The following EXOC3L2 variants were observed in gnomAD, a reference collection of about 807,000 sequenced individuals.
EXOC3L2 encodes the protein exocyst complex component 3-like protein 2.
In EXOC3L2, 17 loss-of-function variants were observed where a neutral mutation model predicts 44.4. The ratio of observed to expected loss-of-function variants is 0.38; its 90% CI spans 0.26 to 0.57. The LOEUF is 0.57. Ranked by LOEUF, EXOC3L2 falls within the 20% of genes least tolerant of loss-of-function variation. The pLI is 0.65. For missense variants in EXOC3L2, 541 were observed against 588.4 expected, an observed-to-expected ratio of 0.92 and a Z score of 0.83; for synonymous variants, 256 against 253.7, an observed-to-expected ratio of 1.01 and a Z score of -0.09.
At chr19:45,224,733 CCT>C (rs1969936611) in intron 8 of EXOC3L2, 43 bp downstream of exon 8, 2 of 1,534,032 alleles carry the variant, frequency 1.3e-6, no homozygotes, top group African/African-American at 2.8e-5. Flanking sequence ...GCAGCGCTTC[CCT>C]GTCCTGGCAT....
intron 8 of EXOC3L2, among the ~76,000 whole-genome samples, chr19:45,223,865 A>T: frequency 6.6e-6 from 1 of 151,936 alleles, no homozygotes; most frequent in African/African-American, 2.4e-5. Context: ...GTGGTGGTGC[A>T]TGCCTGTAAT....
chr19:45,224,417 C>A (rs1050807899), intron 8 of EXOC3L2, among the ~76,000 whole-genome samples: 1 of 152,032 alleles, frequency 6.6e-6, no homozygotes, highest in African/African-American at 2.4e-5. Context: ...CTCCCACCCC[C>A]CTACCACATT....
Position 45,217,705 on chromosome 19 carries a change from C to T in EXOC3L2, c.1843-22G>A, listed in dbSNP as rs1204707785. Reference sequence around the variant, plus strand: ...GCGCCTGGAGGCGGAGGAGGGAAACCCGAGGGGTGTGAGCCATGCCCCACG... The same window carrying T: ...GCGCCTGGAGGCGGAGGAGGGAAACTCGAGGGGTGTGAGCCATGCCCCACG... On this transcript the variant is annotated intron_variant, in intron 9 of 11. Transcript: ENST00000413988. 12 of 1,398,750 alleles carry T rather than the reference C, an allele frequency of 8.6e-6. No homozygotes were observed. In the East Asian group the frequency reaches 3.4e-4, roughly 40 times the overall value. 86.6% of individuals were successfully genotyped at this position (1,398,750 alleles called of 1,614,324 possible). A position where few individuals can be genotyped will look rare whatever the true frequency, so the allele number is the denominator to read the frequency against.
intron 7 of EXOC3L2, 70 bp downstream of exon 7, chr19:45,227,592 G>C: frequency 7.4e-7 from 1 of 1,352,734 alleles, no homozygotes; most frequent in South Asian, 1.3e-5. Context: ...CCCCACCCAG[G>C]ATCCGGGCAT....
chr19:45,219,014 G>A (rs1430086703), intron 8 of EXOC3L2, among the ~76,000 whole-genome samples: 2 of 151,990 alleles, frequency 1.3e-5, no homozygotes, highest in African/African-American at 4.8e-5. Flanking sequence ...TGCGGCGGGT[G>A]GATCACCTAA....
intron 7 of EXOC3L2, among the ~76,000 whole-genome samples, chr19:45,227,211 G>T (rs566202970): frequency 1.3e-5 from 2 of 148,192 alleles, no homozygotes; most frequent in Admixed American, 6.8e-5. Context: ...TCCGCCTCCC[G>T]GGTTCTCACC....
At chr19:45,235,357 G>A (rs1378237506) in intron 2 of EXOC3L2, among the ~76,000 whole-genome samples, 3 of 152,022 alleles carry the variant, frequency 2.0e-5, no homozygotes, top group Non-Finnish European at 4.4e-5. Context: ...GACTGAGGAG[G>A]GGATCTGGGG....
chr19:45,242,272 T>A (rs1023620724), intron 1 of EXOC3L2, among the ~76,000 whole-genome samples: 2 of 152,170 alleles, frequency 1.3e-5, no homozygotes, highest in Non-Finnish European at 2.9e-5. Context: ...TTGTTGTTGC[T>A]TTTGTCTTTA....
chr19:45,241,360 C>G (rs1970129778), intron 1 of EXOC3L2, among the ~76,000 whole-genome samples: 1 of 151,998 alleles, frequency 6.6e-6, no homozygotes, highest in African/African-American at 2.4e-5. Flanking sequence ...CGCCTGTAGC[C>G]CCAGCTACTC....
intron 4 of EXOC3L2, among the ~76,000 whole-genome samples, chr19:45,230,893 T>C (rs1346957022): frequency 1.3e-5 from 2 of 151,696 alleles, no homozygotes; most frequent in East Asian, 3.9e-4. Context: ...GAGACTAGCC[T>C]GGGCAAAATG....
intron 2 of EXOC3L2, among the ~76,000 whole-genome samples, chr19:45,235,692 A>T (rs576926401): frequency 6.6e-6 from 1 of 152,270 alleles, no homozygotes; most frequent in Non-Finnish European, 1.5e-5. Flanking sequence ...CCTGGCAGAG[A>T]AACTATTTCC....
At chr19:45,222,913 C>G (rs1011127074) in intron 8 of EXOC3L2, among the ~76,000 whole-genome samples, 2 of 152,192 alleles carry the variant, frequency 1.3e-5, no homozygotes, top group African/African-American at 4.8e-5. Context: ...GCACCTGGCA[C>G]AGTGAGTCCT....
intron 1 of EXOC3L2, among the ~76,000 whole-genome samples, chr19:45,240,030 C>G (rs894625873): frequency 2.6e-5 from 4 of 151,928 alleles, no homozygotes; most frequent in Non-Finnish European, 5.9e-5. Flanking sequence ...TGATTTGTAC[C>G]CTTGTCATCT....
chr19:45,215,512 A>G (rs1969823203), intron 11 of EXOC3L2, among the ~76,000 whole-genome samples: 1 of 152,148 alleles, frequency 6.6e-6, no homozygotes, highest in African/African-American at 2.4e-5. Flanking sequence ...ATGCTTATTT[A>G]GGTCTGAAAT....
At chr19:45,228,907 T>TA (rs575731825) in intron 4 of EXOC3L2, among the ~76,000 whole-genome samples, 1 of 147,528 alleles carries the variant, frequency 6.8e-6, no homozygotes, top group African/African-American at 2.6e-5. Flanking sequence ...CCGTCTCCAC[T>TA]AAAAATACAA....
chr19:45,225,052 G>A, intron 7 of EXOC3L2, 139 bp from the exon 8 acceptor site: 1 of 1,139,496 alleles, frequency 8.8e-7, no homozygotes, highest in South Asian at 3.0e-5. Context: ...AGGGACTCTG[G>A]AGAGGGGTCA....
At position 45,212,942 on chromosome 19, in the gene EXOC3L2, G is replaced by T; in HGVS notation, c.*127C>A. 1.8e-6 allele frequency: 2 copies of T among 1,115,260 alleles called. No individual in the cohort carries two copies. Among genetic ancestry groups the T allele is most frequent in the Non-Finnish European group, 2.4e-6 (2 of 836,326 alleles). The allele number at this position is 1,115,260 out of a possible 1,614,324, so 69.1% of individuals were successfully genotyped here. A position where few individuals can be genotyped will look rare whatever the true frequency, so the allele number is the denominator to read the frequency against. ...CAGGGAGTTTGGGGTTGGGTGAAAA[G>T]ACATCTAAGGGTCTTTCTATCCCAG... On this transcript the variant is annotated 3_prime_UTR_variant, in exon 12 of 12. Transcript: ENST00000413988.
At chr19:45,229,943 CAAAT>C (rs950953402) in intron 4 of EXOC3L2, among the ~76,000 whole-genome samples, 2 of 148,678 alleles carry the variant, frequency 1.3e-5, no homozygotes, top group Non-Finnish European at 3.0e-5. Context: ...TATGTATACA[CAAAT>C]AATGTATACT....
At chr19:45,220,501 T>G (rs1969885363) in intron 8 of EXOC3L2, among the ~76,000 whole-genome samples, 2 of 151,962 alleles carry the variant, frequency 1.3e-5, no homozygotes, top group African/African-American at 4.8e-5. Context: ...AACAAAACTC[T>G]TTTTCCCCCT....
Sources: allele counts gnomAD v4.1 joint callset (sites outside exome capture counted in the v4.1 genomes callset), GRCh38; gene constraint gnomAD v4.1.1; transcripts MANE v1.5; gene names NCBI Gene and HGNC (gene_info 2026-07-23, HGNC 2026-07-21).